The following C16orf96 variants were observed in gnomAD, a reference collection of about 807,000 sequenced individuals.
C16orf96 encodes the protein uncharacterized protein C16orf96.
Under a neutral mutation model 103.6 loss-of-function variants are expected in C16orf96, and 108 were observed. The observed-to-expected ratio is 1.04, with a 90% CI of 0.89 to 1.22. The LOEUF (loss-of-function observed/expected upper bound fraction) is 1.22, where lower values mean the gene tolerates loss of function less well. C16orf96 is among the 50% of genes most tolerant of loss of function. C16orf96 has a pLI of 0.00. For missense variants in C16orf96, 1,586 were observed against 1,464.2 expected (o/e 1.08, Z -1.36); for synonymous variants, 566 against 593.5 (o/e 0.95, Z 0.67).
At chr16:4,585,534 T>A (rs1200888535) in intron 7 of C16orf96, among the ~76,000 whole-genome samples, 1 of 152,178 alleles carries the variant, frequency 6.6e-6, no homozygotes, top group Non-Finnish European at 1.5e-5. Flanking sequence ...AGCCCAAGCC[T>A]GCTGGGCTGG....
the C16orf96 span, among the ~76,000 whole-genome samples, chr16:4,539,753 C>G: frequency 6.6e-6 from 1 of 152,060 alleles, no homozygotes; most frequent in Non-Finnish European, 1.5e-5. Flanking sequence ...GATTCTAAAC[C>G]TCCCCAGTTG....
Position 4,597,559 on chromosome 16 carries a change from C to CT in C16orf96, c.3128-1711dup, listed in dbSNP as rs941406165. Among the ~76,000 whole-genome samples the CT allele has an allele frequency of 8.9e-3, 1,293 of 145,444 alleles. 7 individuals carry two copies. Among genetic ancestry groups the CT allele is most frequent in the African/African-American group, 0.026 (1,050 of 39,856 alleles). On this transcript the variant is annotated intron_variant, in intron 14 of 15. Transcript: ENST00000444310. ...ATCATGATGGCGTCAACTGCTTCAT[C>CT]TTTTTTTTTTTTTTGAGACGGAGTT...
At chr16:4,573,961 G>T (rs1596523773) in intron 2 of C16orf96, among the ~76,000 whole-genome samples, 1 of 141,744 alleles carries the variant, frequency 7.1e-6, no homozygotes, top group African/African-American at 2.6e-5. Flanking sequence ...AGCCTCCTGA[G>T]TAGCTGGGAT....
At chr16:4,587,653 CTGTG>C (rs1346884587) in intron 8 of C16orf96, among the ~76,000 whole-genome samples, 2 of 151,424 alleles carry the variant, frequency 1.3e-5, no homozygotes, top group African/African-American at 4.9e-5. Flanking sequence ...CACACATCAG[CTGTG>C]CACAGGGTGG....
At chr16:4,545,377 T>C in the C16orf96 span, among the ~76,000 whole-genome samples, 1 of 152,118 alleles carries the variant, frequency 6.6e-6, no homozygotes, top group Non-Finnish European at 1.5e-5. Flanking sequence ...CAGCTATATA[T>C]ATTTTTTAAT....
At chr16:4,569,877 A>G (rs2059418962) in intron 1 of C16orf96, among the ~76,000 whole-genome samples, 1 of 152,116 alleles carries the variant, frequency 6.6e-6, no homozygotes, top group African/African-American at 2.4e-5. Flanking sequence ...CTGAGAGCTC[A>G]GTCTCACCAG....
In C16orf96 at chr16:4,595,626, AAGGAG is replaced by A. The variant is rs1596540098; in HGVS notation, c.3127+824_3127+828del. Among the ~76,000 whole-genome samples the A allele has an allele frequency of 2.0e-5, 3 of 152,308 alleles. No homozygotes were observed. The East Asian group carries it at 5.8e-4, about 29-fold the overall frequency. ...GGGTGGGAGCTACACGCCGCCCCAT[AAGGAG>A]CAGTCCCGGAGCCACAAGATGGCCG... is the stretch of plus-strand genomic sequence containing the variant. On this transcript the variant is annotated intron_variant, in intron 14 of 15. Transcript: ENST00000444310.
chr16:4,553,963 A>C (rs1235402602), upstream of C16orf96, among the ~76,000 whole-genome samples: 2 of 152,210 alleles, frequency 1.3e-5, no homozygotes, highest in African/African-American at 4.8e-5. Flanking sequence ...GGAATCCCTC[A>C]GCAGGGCTCC....
chr16:4,565,493 A>G (rs911975873), intron 1 of C16orf96, among the ~76,000 whole-genome samples: 1 of 152,178 alleles, frequency 6.6e-6, no homozygotes, highest in African/African-American at 2.4e-5. Context: ...CACCACTGCA[A>G]TCTCCACGCA....
intron 1 of C16orf96, among the ~76,000 whole-genome samples, chr16:4,567,578 C>T (rs56040608): frequency 0.01 from 1,555 of 151,522 alleles, 22 homozygotes; most frequent in African/African-American, 0.034. Flanking sequence ...CCACCGCGCC[C>T]GGCCTTCTTT....
At chr16:4,591,245 C>G (rs1897052663) in intron 9 of C16orf96, among the ~76,000 whole-genome samples, 1 of 152,168 alleles carries the variant, frequency 6.6e-6, no homozygotes, top group Non-Finnish European at 1.5e-5. Flanking sequence ...ATGATGGTCA[C>G]ACAACTCTGT....
chr16:4,570,262 T>C (rs536868723), intron 1 of C16orf96, among the ~76,000 whole-genome samples: 1 of 152,314 alleles, frequency 6.6e-6, no homozygotes, highest in East Asian at 1.9e-4. Context: ...CAGACCTTGC[T>C]CATGGTAACT....
At chr16:4,574,846 G>A in intron 3 of C16orf96, 57 bp downstream of exon 3, 16 of 1,535,486 alleles carry the variant, frequency 1.0e-5, no homozygotes, top group Middle Eastern at 1.7e-4. Context: ...CAACCTCCCG[G>A]GTCCTGGGTG....
intron 10 of C16orf96, 49 bp from the exon 11 acceptor site, chr16:4,592,256 A>G (rs1897076283): frequency 6.5e-7 from 1 of 1,550,210 alleles, no homozygotes; most frequent in Non-Finnish European, 8.7e-7. Context: ...CCTCCCACAC[A>G]TGGCCTGGGC....
chr16:4,556,676 A>G lies in C16orf96; in HGVS notation c.187A>G (p.Arg63Gly). The part of the protein sequence containing the change: ...LQTSQVVIMP[R>G]EGDAQPILNP... The stretch of plus-strand genomic sequence containing the variant: ...GACCTCGCAGGTGGTCATCATGCCC[A>G]GGGAAGGAGACGCCCAGCCTATCCT... The change falls in exon 1 of 16, where the codon AGG becomes GGG. Residue 63 changes from arginine (R) to glycine (G), a missense_variant. Arg to Gly is a moderately radical substitution (Grantham distance 125). Transcript: ENST00000444310. The G allele has an allele frequency of 6.4e-7, 1 of 1,551,520 alleles. No individual in the cohort carries two copies. The highest frequency in any genetic ancestry group is 1.7e-4 in the Middle Eastern group (1 of 5,992).
intron 5 of C16orf96, among the ~76,000 whole-genome samples, chr16:4,576,868 C>T (rs1596526562): frequency 1.3e-5 from 2 of 152,122 alleles, no homozygotes; most frequent in African/African-American, 4.8e-5. Context: ...AAAGTTGGCA[C>T]GAGGAAAATG....
upstream of C16orf96, among the ~76,000 whole-genome samples, chr16:4,551,965 A>C (rs562034670): frequency 1.3e-5 from 2 of 151,040 alleles, no homozygotes; most frequent in South Asian, 4.2e-4. Flanking sequence ...CCCTGTGTCC[A>C]TGTGTTCTCA....
chr16:4,578,967 G>A lies in C16orf96; in HGVS notation c.2183G>A (p.Gly728Glu). Residue 728 changes from glycine (G) to glutamate (E), a missense_variant, in exon 6 of 16, where the codon GGG becomes GAG. Gly to Glu is a moderately conservative substitution (Grantham distance 98). Transcript: ENST00000444310. ...LANMGGPSSL[G>E]TTVDILQKKI... ...AATATGGGAGGTCCTTCCAGCCTCG[G>A]GACAACAGTGGACATATTGCAGAAA... is the stretch of plus-strand genomic sequence containing the variant. The A allele has an allele frequency of 6.4e-7, 1 of 1,551,348 alleles. No individual in the cohort carries two copies. The highest frequency in any genetic ancestry group is 8.7e-7 in the Non-Finnish European group (1 of 1,146,890).
chr16:4,562,275 G>T (rs1276413367), intron 1 of C16orf96, among the ~76,000 whole-genome samples: 3 of 152,056 alleles, frequency 2.0e-5, no homozygotes, highest in Admixed American at 6.6e-5. Flanking sequence ...AGGAGTTCAA[G>T]ACCAGCCTGA....
Sources: allele counts gnomAD v4.1 joint callset (sites outside exome capture counted in the v4.1 genomes callset), GRCh38; gene constraint gnomAD v4.1.1; transcripts MANE v1.5; gene names NCBI Gene and HGNC (gene_info 2026-07-23, HGNC 2026-07-21).